Variants in IL1F10 observed in about 807,000 individuals in gnomAD.
The protein encoded by IL1F10 is interleukin-1 family member 10.
A neutral mutation model predicts 13.1 loss-of-function variants in IL1F10; 13 were observed. The observed-to-expected ratio is 0.99, with a 90% CI of 0.64 to 1.57. IL1F10 has a LOEUF of 1.57. IL1F10 is among the 40% of genes most tolerant of loss of function. The pLI is 0.00. For missense variants in IL1F10, 191 were observed against 184.1 expected, an observed-to-expected ratio of 1.04 and a Z score of -0.22; for synonymous variants, 78 against 68.2, an observed-to-expected ratio of 1.14 and a Z score of -0.71.
chr2:113,075,098 G>A (rs796894997), intron 4 of IL1F10, 54 bp from the exon 5 acceptor site: 18 of 1,515,868 alleles, frequency 1.2e-5, no homozygotes, highest in African/African-American at 2.7e-5. Flanking sequence ...GGCCTCCAGG[G>A]CTAACACCTC....
Position 113,074,806 on chromosome 2 carries a change from C to A in IL1F10, c.202C>A (p.Leu68Met). ...GGGGATCCAGGGAGGGAGCCGCTGC[C>A]TGGCATGTGTGGAGACAGAAGAGGG... ...FLGIQGGSRC[L>M]ACVETEEGPS... The change falls in exon 4 of 5, where the codon CTG (leucine) becomes ATG (methionine). Residue 68 changes from leucine to methionine, a missense_variant. Coordinates refer to ENST00000341010, the MANE Select transcript of IL1F10 (RefSeq NM_173161.3). 1 of 1,613,486 alleles carries A rather than the reference C, an allele frequency of 6.2e-7. No homozygotes were observed. The highest frequency in any genetic ancestry group is 8.5e-7 in the Non-Finnish European group (1 of 1,180,022).
At chr2:113,073,730 G>T (rs1031299340) in intron 2 of IL1F10, among the ~76,000 whole-genome samples, 2 of 152,194 alleles carry the variant, frequency 1.3e-5, no homozygotes, top group Non-Finnish European at 2.9e-5. Context: ...ATCCCCTGGA[G>T]GTGGTGGAAT....
chr2:113,072,550 C>A, intron 1 of IL1F10, 161 bp from the exon 2 acceptor site: 4 of 567,342 alleles, frequency 7.1e-6, no homozygotes, highest in Non-Finnish European at 9.4e-6. Flanking sequence ...CTGGAGCCTG[C>A]TGGGCTGGTG....
intron 3 of IL1F10, 96 bp downstream of exon 3, chr2:113,074,510 C>T: frequency 1.8e-6 from 2 of 1,138,936 alleles, no homozygotes; most frequent in South Asian, 2.5e-5. Flanking sequence ...GCAGCTGCCC[C>T]CAGTGACAGT....
intron 1 of IL1F10, among the ~76,000 whole-genome samples, chr2:113,070,378 T>C (rs923087629): frequency 6.6e-6 from 1 of 152,176 alleles, no homozygotes; most frequent in Non-Finnish European, 1.5e-5. Context: ...TGTGCCAGAA[T>C]GGGAGGTTTC....
chr2:113,072,692 C>G lies in IL1F10; in HGVS notation c.-28-19C>G. The G allele has an allele frequency of 6.3e-7, 1 of 1,580,844 alleles. No homozygotes were observed. Among genetic ancestry groups the G allele is most frequent in the Non-Finnish European group, 8.7e-7 (1 of 1,152,326 alleles). On this transcript the variant is annotated intron_variant, in intron 1 of 4. Coordinates refer to ENST00000341010, the MANE Select transcript of IL1F10 (RefSeq NM_173161.3). ...CACCCAGCCTCCTTTTCTAACTGCC[C>G]TTCTCTCCTCCCCATCAGTGAGGAC...
chr2:113,071,281 C>A (rs1403326273), intron 1 of IL1F10, among the ~76,000 whole-genome samples: 5 of 152,158 alleles, frequency 3.3e-5, no homozygotes, highest in African/African-American at 1.2e-4. Flanking sequence ...CAAACACATA[C>A]ATCCTTATTT....
chr2:113,074,579 A>C, intron 3 of IL1F10, 144 bp from the exon 4 acceptor site: 1 of 1,161,296 alleles, frequency 8.6e-7, no homozygotes, highest in Non-Finnish European at 1.3e-6. Flanking sequence ...CTCCTGCAGA[A>C]GTCCTGGCTC....
At chr2:113,074,229 C>A (rs1685893393) in intron 2 of IL1F10, 100 bp from the exon 3 acceptor site, 2 of 764,308 alleles carry the variant, frequency 2.6e-6, no homozygotes, top group Non-Finnish European at 4.6e-6. Flanking sequence ...GAAAATCGCC[C>A]AAATGCTCAA....
Position 113,074,714 on chromosome 2 carries a change from C to T in IL1F10, c.119-9C>T. ...TTGTCCCTTGACTCTTCTCTCTCTT[C>T]CCTCCTAGAGAAGATCTGCATACTT... On this transcript the variant is annotated splice_polypyrimidine_tract_variant and intron_variant, in intron 3 of 4. Coordinates refer to ENST00000341010, the MANE Select transcript of IL1F10 (RefSeq NM_173161.3). The T allele has an allele frequency of 6.2e-7, 1 of 1,613,244 alleles. No homozygotes were observed. Among genetic ancestry groups the T allele is most frequent in the Non-Finnish European group, 8.5e-7 (1 of 1,179,216 alleles).
intron 1 of IL1F10, among the ~76,000 whole-genome samples, chr2:113,068,509 T>G (rs1026682493): frequency 6.6e-6 from 1 of 152,186 alleles, no homozygotes; most frequent in Admixed American, 6.5e-5. Flanking sequence ...TTGTGAAACT[T>G]AAAACAGTTT....
chr2:113,070,532 G>A (rs1426909960), intron 1 of IL1F10, among the ~76,000 whole-genome samples: 1 of 152,056 alleles, frequency 6.6e-6, no homozygotes, highest in Admixed American at 6.5e-5. Flanking sequence ...CCTAGATCTG[G>A]GCACAGCTAC....
rs1199152442 is a variant in IL1F10 at position 113,074,841 on chromosome 2, A to G, written c.237A>G (p.Leu79=). Residue 79 remains leucine, a synonymous_variant, in exon 4 of 5, where the codon CTA becomes CTG. Coordinates refer to ENST00000341010, the MANE Select transcript of IL1F10 (RefSeq NM_173161.3). ...ACVETEEGPS[L]QLEDVNIEEL... is the part of the protein sequence containing the mutation. ...TGGAGACAGAAGAGGGGCCTTCCCT[A>G]CAGCTGGAGGTGAGAGGCCTCTCCC... 6.2e-7 allele frequency: 1 copy of G among 1,611,990 alleles called. No homozygotes were observed. Among genetic ancestry groups the G allele is most frequent in the South Asian group, 1.1e-5 (1 of 90,996 alleles).
chr2:113,074,180 T>C (rs1315498852), intron 2 of IL1F10, 149 bp from the exon 3 acceptor site: 13 of 633,392 alleles, frequency 2.1e-5, no homozygotes, highest in Non-Finnish European at 3.8e-5. Flanking sequence ...TACCTGCTCT[T>C]GGGAGTGACC....
intron 4 of IL1F10, 105 bp downstream of exon 4, chr2:113,074,955 T>G (rs1300487505): frequency 2.8e-6 from 4 of 1,416,842 alleles, no homozygotes; most frequent in Middle Eastern, 2.6e-4. Context: ...CAGGTCCACA[T>G]GTCCTACTTC....
At position 113,075,312 on chromosome 2, in the gene IL1F10, A is replaced by G; in HGVS notation, c.407A>G (p.Lys136Arg). 2 of 1,603,312 alleles carry G rather than the reference A, an allele frequency of 1.2e-6. No homozygotes were observed. Among genetic ancestry groups the G allele is most frequent in the Non-Finnish European group, 1.7e-6 (2 of 1,171,274 alleles). ...AEPQQPVQLTKESEPSARTKF... is the reference protein window; with the variant it reads ...AEPQQPVQLTRESEPSARTKF... ...CCCCAGCAGCCAGTACAGCTCACCA[A>G]GGAGAGTGAGCCCTCAGCCCGTACC... Residue 136 changes from lysine to arginine, a missense_variant, in exon 5 of 5, where the codon AAG (lysine) becomes AGG (arginine). Transcript: ENST00000341010.
At chr2:113,068,903 A>G (rs1685788054) in intron 1 of IL1F10, among the ~76,000 whole-genome samples, 1 of 152,224 alleles carries the variant, frequency 6.6e-6, no homozygotes, top group African/African-American at 2.4e-5. Flanking sequence ...CCTAGAAAGA[A>G]CCTTCATAAC....
intron 1 of IL1F10, among the ~76,000 whole-genome samples, chr2:113,071,881 G>A (rs1685842071): frequency 6.6e-6 from 1 of 152,114 alleles, no homozygotes; most frequent in Non-Finnish European, 1.5e-5. Flanking sequence ...CTCAGCCCTA[G>A]TCATACTTGC....
At position 113,075,271 on chromosome 2, in the gene IL1F10, G is replaced by A. The variant is rs771970029; in HGVS notation, c.366G>A (p.Leu122=). Residue 122 remains leucine, a synonymous_variant, in exon 5 of 5, where the codon CTG becomes CTA. Coordinates refer to ENST00000341010, the MANE Select transcript of IL1F10 (RefSeq NM_173161.3). The stretch of plus-strand genomic sequence containing the variant: ...CTGCTGCCTGGCCTGGCTGGTTCCT[G>A]TGTGGCCCGGCAGAGCCCCAGCAGC... ...LEAAAWPGWF[L]CGPAEPQQPV... is the part of the protein sequence containing the mutation. The A allele has an allele frequency of 2.5e-6, 4 of 1,612,710 alleles. No individual in the cohort carries two copies. Among genetic ancestry groups the A allele is most frequent in the South Asian group, 1.1e-5 (1 of 90,960 alleles).
Sources: allele counts gnomAD v4.1 joint callset (sites outside exome capture counted in the v4.1 genomes callset), GRCh38; gene constraint gnomAD v4.1.1; transcripts MANE v1.5; gene names NCBI Gene and HGNC (gene_info 2026-07-23, HGNC 2026-07-21).